Variants in TCERG1L observed in about 807,000 individuals in gnomAD.
The protein encoded by TCERG1L is transcription elongation regulator 1 like.
TCERG1L carries 37 observed loss-of-function variants against 56.3 expected under a neutral mutation model. The observed-to-expected ratio is 0.66, with a 90% CI of 0.51 to 0.87. The LOEUF is 0.87. TCERG1L is among the 40% of genes least tolerant of loss of function. The pLI is 0.00. For missense variants in TCERG1L, 799 were observed against 774.2 expected, an observed-to-expected ratio of 1.03 and a Z score of -0.38; for synonymous variants, 324 against 326.3, an observed-to-expected ratio of 0.99 and a Z score of 0.08.
chr10:131,197,685 T>G (rs941151511), intron 4 of TCERG1L, among the ~76,000 whole-genome samples: 9 of 152,186 alleles, frequency 5.9e-5, no homozygotes, highest in Admixed American at 1.3e-4. Flanking sequence ...TGCATGCAGA[T>G]AGCAGGACAC....
chr10:131,100,641 C>T (rs770811096), intron 10 of TCERG1L, among the ~76,000 whole-genome samples: 5 of 152,212 alleles, frequency 3.3e-5, no homozygotes, highest in Non-Finnish European at 7.3e-5. Context: ...CACACTCCCT[C>T]GACCCTGATT....
intron 3 of TCERG1L, among the ~76,000 whole-genome samples, chr10:131,262,878 T>C (rs1483050893): frequency 1.3e-5 from 2 of 152,100 alleles, no homozygotes; most frequent in Admixed American, 6.5e-5. Flanking sequence ...ATGGCCTCTC[T>C]AGTTTTGCCT....
chr10:131,211,273 G>A (rs970686489), intron 4 of TCERG1L, among the ~76,000 whole-genome samples: 19 of 152,244 alleles, frequency 1.2e-4, no homozygotes, highest in African/African-American at 4.3e-4. Flanking sequence ...CTGGCCTTCA[G>A]GCCCCCAGCA....
At position 131,289,170 on chromosome 10, in the gene TCERG1L, G is replaced by A. The variant is rs116499056; in HGVS notation, c.670+19041C>T. Among the ~76,000 whole-genome samples the A allele has an allele frequency of 9.8e-3, 1,455 of 148,704 alleles. 28 individuals are homozygous for A. The highest frequency in any genetic ancestry group is 0.035 in the African/African-American group (1,409 of 40,290). On this transcript the variant is annotated intron_variant, in intron 3 of 11. Coordinates refer to ENST00000368642, the MANE Select transcript of TCERG1L (RefSeq NM_174937.4). ...TTTTTTTTTTTTTTAATCAAGCATC[G>A]CCTTAACACAGGCGTTTCTTTTCGG... is the stretch of plus-strand genomic sequence containing the variant.
At chr10:131,107,956 TACAC>T (rs59364659) in intron 9 of TCERG1L, among the ~76,000 whole-genome samples, 3,325 of 146,836 alleles carry the variant, frequency 0.023, 95 homozygotes, top group African/African-American at 0.068. Flanking sequence ...CATGTGTGCC[TACAC>T]ACACACACAC....
intron 4 of TCERG1L, among the ~76,000 whole-genome samples, chr10:131,245,539 C>G (rs1460502698): frequency 6.6e-6 from 1 of 152,156 alleles, no homozygotes; most frequent in South Asian, 2.1e-4. Flanking sequence ...GGGGGCGGCT[C>G]TCCGGGGGCA....
intron 3 of TCERG1L, among the ~76,000 whole-genome samples, chr10:131,302,515 G>A (rs969103371): frequency 6.6e-6 from 1 of 151,808 alleles, no homozygotes; most frequent in African/African-American, 2.4e-5. Flanking sequence ...CCTTGAAACG[G>A]CTCTGCGAGC....
intron 4 of TCERG1L, among the ~76,000 whole-genome samples, chr10:131,168,104 C>T (rs1846050836): frequency 6.6e-6 from 1 of 152,200 alleles, no homozygotes; most frequent in African/African-American, 2.4e-5. Context: ...TATGCTCCTT[C>T]CTGGTAGACG....
intron 7 of TCERG1L, among the ~76,000 whole-genome samples, chr10:131,134,814 G>A (rs181871201): frequency 7.9e-5 from 12 of 152,248 alleles, no homozygotes; most frequent in Middle Eastern, 3.4e-3. Flanking sequence ...CCATGAGACC[G>A]GGGCCACCTC....
intron 4 of TCERG1L, among the ~76,000 whole-genome samples, chr10:131,195,444 G>C (rs932327389): frequency 1.3e-5 from 2 of 152,202 alleles, no homozygotes; most frequent in Non-Finnish European, 2.9e-5. Flanking sequence ...GGAAATCTCC[G>C]CTTTTCAAGG....
rs1846227507 is a variant in TCERG1L at position 131,260,539 on chromosome 10, A to G, written c.671-95T>C. ...CTACCGCAAGATATCAGCCCCCAGA[A>G]AACAGGTGAGGGGGGCGCTACCCCT... On this transcript the variant is annotated intron_variant, in intron 3 of 11. Transcript: ENST00000368642. The surrounding 1 kb of genome is among the most constrained non-coding windows in gnomAD (Gnocchi z 5.8). 1.5e-6 allele frequency: 2 copies of G among 1,297,694 alleles called. No homozygotes were observed. The highest frequency in any genetic ancestry group is 1.5e-5 in the African/African-American group (1 of 64,620). The allele number at this position is 1,297,694 out of a possible 1,614,324, so 80.4% of individuals were successfully genotyped here. A position where few individuals can be genotyped will look rare whatever the true frequency, so the allele number is the denominator to read the frequency against.
At chr10:131,134,818 C>T (rs1845657265) in intron 7 of TCERG1L, among the ~76,000 whole-genome samples, 1 of 152,124 alleles carries the variant, frequency 6.6e-6, no homozygotes, top group Non-Finnish European at 1.5e-5. Context: ...GAGACCGGGG[C>T]CACCTCTGCG....
intron 7 of TCERG1L, among the ~76,000 whole-genome samples, chr10:131,142,617 G>A (rs1358534904): frequency 6.6e-6 from 1 of 152,200 alleles, no homozygotes; most frequent in African/African-American, 2.4e-5. Context: ...GCTGCCTGGT[G>A]AGCTCGCACC....
intron 3 of TCERG1L, among the ~76,000 whole-genome samples, chr10:131,300,563 TTTC>T (rs1308295442): frequency 7.2e-5 from 11 of 152,312 alleles, no homozygotes; most frequent in African/African-American, 2.6e-4. Context: ...TTAATTTGAC[TTTC>T]TTATATTTTT....
intron 5 of TCERG1L, 54 bp downstream of exon 5, chr10:131,166,743 C>T (rs1846034723): frequency 1.3e-6 from 2 of 1,559,838 alleles, no homozygotes; most frequent in Non-Finnish European, 1.8e-6. Context: ...TGGCCCTGGT[C>T]CTCCACACCC....
chr10:131,123,191 G>A (rs1179459887), intron 8 of TCERG1L, among the ~76,000 whole-genome samples: 1 of 152,166 alleles, frequency 6.6e-6, no homozygotes, highest in Non-Finnish European at 1.5e-5. Context: ...AGGATCCCAG[G>A]CCCCTGCCCT....
intron 4 of TCERG1L, among the ~76,000 whole-genome samples, chr10:131,210,940 C>T (rs10741246): frequency 0.52 from 79,465 of 152,050 alleles, 22,778 homozygotes; most frequent in East Asian, 0.71. Context: ...CGTTTTCCTC[C>T]AATGAAGATT....
chr10:131,112,399 C>T (rs1200690691), intron 9 of TCERG1L, among the ~76,000 whole-genome samples: 3 of 142,746 alleles, frequency 2.1e-5, no homozygotes, highest in Non-Finnish European at 3.2e-5. Context: ...CCCCCTGTCC[C>T]CCAGGCCCCC....
At chr10:131,229,591 A>G (rs1845827763) in intron 4 of TCERG1L, among the ~76,000 whole-genome samples, 1 of 152,180 alleles carries the variant, frequency 6.6e-6, no homozygotes, top group African/African-American at 2.4e-5. Flanking sequence ...TAGCGCAGCC[A>G]TCAACTTCTG....
Sources: allele counts gnomAD v4.1 joint callset (sites outside exome capture counted in the v4.1 genomes callset), GRCh38; gene constraint gnomAD v4.1.1; non-coding constraint Gnocchi (gnomAD v3.1); transcripts MANE v1.5; gene names NCBI Gene and HGNC (gene_info 2026-07-23, HGNC 2026-07-21).